Variants in APC observed in about 807,000 individuals in gnomAD.
APC encodes the protein APC regulator of Wnt signaling pathway.
In APC, 72 loss-of-function variants were observed where a neutral mutation model predicts 247.0. The observed-to-expected ratio is 0.29, with a 90% CI of 0.24 to 0.35. APC has a LOEUF of 0.35. Among genes scored for constraint, APC ranks in the 10% least tolerant of loss-of-function variants. APC has a pLI of 1.00. For missense variants in APC, 3,400 were observed against 3,360.7 expected, an observed-to-expected ratio of 1.01 and a Z score of -0.29; for synonymous variants, 1,254 against 1,162.5, an observed-to-expected ratio of 1.08 and a Z score of -1.60.
intron 14 of APC, chr5:112,829,810 C>T (rs567997307): frequency 7.2e-5 from 11 of 152,326 alleles, no homozygotes; most frequent in African/African-American, 2.6e-4. Context: ...CCTCAATCCC[C>T]TCAAATTTTG....
At chr5:112,810,181 G>A (rs192263900) in intron 8 of APC, 1 of 455,700 alleles carries the variant, frequency 2.2e-6, no homozygotes, top group Non-Finnish European at 4.4e-6. Context: ...AGAGAAGAGA[G>A]TTGAAGATCC....
intron 6 of APC, among the ~76,000 whole-genome samples, chr5:112,786,741 A>G (rs1421674664): frequency 6.6e-6 from 1 of 152,220 alleles, no homozygotes; most frequent in Non-Finnish European, 1.5e-5. Context: ...AAACATACTT[A>G]TTCATGTCTT....
chr5:112,745,548 TTTATTA>T (rs139166227), intron 1 of APC, among the ~76,000 whole-genome samples: 2,000 of 148,720 alleles, frequency 0.013, 45 homozygotes, highest in African/African-American at 0.044. Context: ...TAATATTCAC[TTTATTA>T]TTATTATTAT....
At chr5:112,798,801 A>G (rs1333273859) in intron 7 of APC, among the ~76,000 whole-genome samples, 9 of 152,220 alleles carry the variant, frequency 5.9e-5, no homozygotes, top group Admixed American at 3.9e-4. Flanking sequence ...GTTAAATGGT[A>G]GTTTGGGTTG....
At chr5:112,821,718 C>G (rs1257928162) in intron 10 of APC, among the ~76,000 whole-genome samples, 178 bp from the exon 11 acceptor site, 2 of 152,084 alleles carry the variant, frequency 1.3e-5, no homozygotes, top group Non-Finnish European at 2.9e-5. Flanking sequence ...CCCTTTATTC[C>G]TATTTTTTGT....
At chr5:112,773,036 G>C (rs1267192405) in intron 4 of APC, among the ~76,000 whole-genome samples, 1 of 152,164 alleles carries the variant, frequency 6.6e-6, no homozygotes, top group Admixed American at 6.5e-5. Context: ...TGTTCCTGTT[G>C]TCAGAAATCG....
intron 1 of APC, among the ~76,000 whole-genome samples, chr5:112,710,848 A>C (rs1750807875): frequency 6.6e-6 from 1 of 152,234 alleles, no homozygotes; most frequent in African/African-American, 2.4e-5. Flanking sequence ...TACTTAGCTC[A>C]CAGGGTGGTG....
At chr5:112,808,094 G>A (rs1030339437) in intron 8 of APC, among the ~76,000 whole-genome samples, 1 of 152,204 alleles carries the variant, frequency 6.6e-6, no homozygotes, top group African/African-American at 2.4e-5. Flanking sequence ...GGCAGAGGTT[G>A]CAGGGAGCCG....
At chr5:112,756,790 G>A (rs910250242) in intron 2 of APC, among the ~76,000 whole-genome samples, 29 of 152,294 alleles carry the variant, frequency 1.9e-4, no homozygotes, top group Non-Finnish European at 3.2e-4. Flanking sequence ...GGAATATCTA[G>A]TTGATCATTT....
At chr5:112,829,287 G>A (rs1048852147) in intron 14 of APC, 10 of 292,754 alleles carry the variant, frequency 3.4e-5, no homozygotes, top group East Asian at 1.8e-4. Flanking sequence ...TACAGTGCAC[G>A]CCACCACTCC....
chr5:112,707,644 TC>T lies in APC; in HGVS notation c.-71del, dbSNP rs1750592547. On this transcript the variant is annotated 5_prime_UTR_variant, in exon 1 of 14. Coordinates refer to the APC transcript ENST00000507379. Reference sequence around the variant, plus strand: ...CGGACCGAGGTTGGCTCGATGCTGTTCCCAGGTACTGTTGTTGGCTGTTGGT... The same window carrying T: ...CGGACCGAGGTTGGCTCGATGCTGTTCCAGGTACTGTTGTTGGCTGTTGGT... 9 of 1,359,006 alleles carry T rather than the reference TC, an allele frequency of 6.6e-6. No homozygotes were observed. The highest frequency in any genetic ancestry group is 8.7e-6 in the Non-Finnish European group (9 of 1,028,694). 84.2% of individuals were successfully genotyped at this position (1,359,006 alleles called of 1,614,324 possible).
chr5:112,779,120 A>G (rs999470049), intron 5 of APC, among the ~76,000 whole-genome samples: 9 of 152,218 alleles, frequency 5.9e-5, no homozygotes, highest in African/African-American at 2.2e-4. Flanking sequence ...AGGGCCCTTA[A>G]CATGTTAACA....
chr5:112,711,110 G>A (rs1378604198), intron 1 of APC, among the ~76,000 whole-genome samples: 1 of 152,212 alleles, frequency 6.6e-6, no homozygotes, highest in Admixed American at 6.5e-5. Flanking sequence ...GGCTTGTTTG[G>A]TGTTAGGAAC....
At chr5:112,821,830 G>A (rs539910535) in intron 10 of APC, 66 bp from the exon 11 acceptor site, 1 of 1,301,898 alleles carries the variant, frequency 7.7e-7, no homozygotes, top group South Asian at 1.2e-5. Flanking sequence ...TATTTTTAAA[G>A]TACAATAAAC....
chr5:112,838,508 G>A lies in APC; in HGVS notation c.2914G>A (p.Gly972Ser), dbSNP rs750556498. Residue 972 changes from glycine (G) to serine (S), a missense_variant, in exon 16 of 16, where the codon GGT becomes AGT. Transcript: ENST00000257430. ...TTTAAATAGTGTCAGTAGTAGTGATGGTTATGGTAAAAGAGGTCAAATGAA... is the reference window on the plus strand; with the variant it reads ...TTTAAATAGTGTCAGTAGTAGTGATAGTTATGGTAAAAGAGGTCAAATGAA... Reference protein sequence around the residue: ...DSLNSVSSSDGYGKRGQMKPS... With the variant: ...DSLNSVSSSDSYGKRGQMKPS... The A allele has an allele frequency of 1.2e-6, 2 of 1,614,166 alleles. No homozygotes were observed. The highest frequency in any genetic ancestry group is 1.3e-5 in the African/African-American group (1 of 75,026).
chr5:112,788,569 C>G (rs1434457548), intron 6 of APC, among the ~76,000 whole-genome samples: 2 of 152,108 alleles, frequency 1.3e-5, no homozygotes, highest in Non-Finnish European at 2.9e-5. Flanking sequence ...CACTCAGAAC[C>G]TGGCACATAG....
chr5:112,801,472 C>G (rs1760821886), intron 8 of APC, 89 bp downstream of exon 8: 1 of 1,005,152 alleles, frequency 9.9e-7, no homozygotes, highest in East Asian at 2.8e-5. Flanking sequence ...ATCTATAAAT[C>G]TTACCTATTT....
chr5:112,730,734 G>A (rs1456678257), intron 1 of APC, among the ~76,000 whole-genome samples: 1 of 151,994 alleles, frequency 6.6e-6, no homozygotes. Flanking sequence ...ATAGGCTGCT[G>A]GTCACCACAA....
chr5:112,775,943 T>G (rs978665231), intron 5 of APC, among the ~76,000 whole-genome samples: 2 of 152,224 alleles, frequency 1.3e-5, no homozygotes, highest in Admixed American at 1.3e-4. Flanking sequence ...CTCAAATGTT[T>G]TATTTAAAGC....
Sources: allele counts gnomAD v4.1 joint callset (sites outside exome capture counted in the v4.1 genomes callset), GRCh38; gene constraint gnomAD v4.1.1; transcripts MANE v1.5; gene names NCBI Gene and HGNC (gene_info 2026-07-23, HGNC 2026-07-21).